Variants in NEDD4L observed in about 807,000 individuals in gnomAD.
NEDD4L encodes E3 ubiquitin-protein ligase NEDD4-like.
In NEDD4L, 54 loss-of-function variants were observed where a neutral mutation model predicts 148.9. The observed-to-expected ratio is 0.36, with a 90% CI of 0.29 to 0.45. NEDD4L has a LOEUF of 0.45. Ranked by LOEUF, NEDD4L falls within the 20% of genes least tolerant of loss-of-function variation. NEDD4L has a pLI of 1.00. For synonymous variants in NEDD4L, 433 were observed against 440.7 expected (o/e 0.98, Z 0.22); for missense variants, 856 against 1,233.8 (o/e 0.69, Z 4.59).
chr18:58,347,628 T>A (rs2043268679), intron 16 of NEDD4L, among the ~76,000 whole-genome samples: 1 of 152,242 alleles, frequency 6.6e-6, no homozygotes, highest in Non-Finnish European at 1.5e-5. Flanking sequence ...TGGATTATTT[T>A]GTGCCTCTGC....
chr18:58,331,629 G>GA (rs1233909045), intron 11 of NEDD4L, among the ~76,000 whole-genome samples: 1 of 152,126 alleles, frequency 6.6e-6, no homozygotes, highest in Non-Finnish European at 1.5e-5. Flanking sequence ...ATAACCCATA[G>GA]AAAATCCCTG....
At chr18:58,359,626 C>T (rs2045211703) in intron 19 of NEDD4L, among the ~76,000 whole-genome samples, 1 of 152,168 alleles carries the variant, frequency 6.6e-6, no homozygotes, top group South Asian at 2.1e-4. Flanking sequence ...ATTGGTTTGC[C>T]CACCATTGGT....
At chr18:58,095,413 T>A (rs531480579) in intron 1 of NEDD4L, among the ~76,000 whole-genome samples, 12 of 151,748 alleles carry the variant, frequency 7.9e-5, no homozygotes, top group Non-Finnish European at 1.3e-4. Flanking sequence ...GCAGAGGGAG[T>A]GGCAAAAGCT....
intron 2 of NEDD4L, among the ~76,000 whole-genome samples, chr18:58,168,586 C>T (rs559854059): frequency 3.3e-5 from 5 of 152,296 alleles, no homozygotes; most frequent in East Asian, 1.9e-4. Flanking sequence ...TGGCAGCCAC[C>T]GTCTCCTTCA....
intron 1 of NEDD4L, among the ~76,000 whole-genome samples, chr18:58,053,223 C>T (rs1224169609): frequency 6.6e-6 from 1 of 152,166 alleles, no homozygotes; most frequent in East Asian, 1.9e-4. Flanking sequence ...AGGCAGAGAC[C>T]GTGTTCCCTG....
intron 5 of NEDD4L, among the ~76,000 whole-genome samples, chr18:58,299,402 G>A (rs1568618787): frequency 6.6e-6 from 1 of 152,190 alleles, no homozygotes; most frequent in Non-Finnish European, 1.5e-5. Context: ...GAATAACATT[G>A]ATATATTTCT....
In NEDD4L at chr18:58,256,374, A is replaced by G; in HGVS notation, c.297+4320A>G. ...TCTGGGAAGCGGTGTTTTGTCTTCCAGTTGCAGCAGCCCCAACAAGGCGCT... is the reference window on the plus strand; with the variant it reads ...TCTGGGAAGCGGTGTTTTGTCTTCCGGTTGCAGCAGCCCCAACAAGGCGCT... On this transcript the variant is annotated intron_variant, in intron 5 of 30. Transcript: ENST00000400345. This position sits in a 1 kb window ranked among gnomAD's most constrained non-coding sequence, Gnocchi z 5.2. The G allele has an allele frequency of 8.1e-7, 1 of 1,232,284 alleles. No individual in the cohort carries two copies. Among genetic ancestry groups the G allele is most frequent in the East Asian group, 3.2e-5 (1 of 31,694 alleles). The allele number at this position is 1,232,284 out of a possible 1,614,324, so 76.3% of individuals were successfully genotyped here.
At chr18:58,111,764 T>G (rs1254736189) in intron 1 of NEDD4L, among the ~76,000 whole-genome samples, 1 of 152,208 alleles carries the variant, frequency 6.6e-6, no homozygotes, top group East Asian at 1.9e-4. Flanking sequence ...TGTTTCTGCT[T>G]TTTGCTTCTA....
At chr18:58,255,907 C>T (rs901278942) in intron 5 of NEDD4L, 140 of 1,231,962 alleles carry the variant, frequency 1.1e-4, no homozygotes, top group Non-Finnish European at 1.4e-4. Flanking sequence ...CGTGCAGCTC[C>T]TCCGTGCAGA....
intron 2 of NEDD4L, among the ~76,000 whole-genome samples, chr18:58,227,679 C>T (rs1349977467): frequency 6.6e-6 from 1 of 152,132 alleles, no homozygotes; most frequent in Non-Finnish European, 1.5e-5. Context: ...GTGTTTTACC[C>T]ACTGTGGGTT....
At chr18:58,084,300 C>T (rs966759581) in intron 1 of NEDD4L, among the ~76,000 whole-genome samples, 2 of 151,924 alleles carry the variant, frequency 1.3e-5, no homozygotes, top group African/African-American at 4.8e-5. Flanking sequence ...ATTTTTTTTC[C>T]TCAAGTGATG....
chr18:58,377,565 A>G (rs2047724243), intron 24 of NEDD4L, among the ~76,000 whole-genome samples: 1 of 152,148 alleles, frequency 6.6e-6, no homozygotes, highest in African/African-American at 2.4e-5. Flanking sequence ...TCCACTGAAG[A>G]AATGTCAGTG....
intron 4 of NEDD4L, among the ~76,000 whole-genome samples, 172 bp from the exon 5 acceptor site, chr18:58,251,829 A>G (rs889055558): frequency 6.6e-6 from 1 of 152,204 alleles, no homozygotes; most frequent in East Asian, 1.9e-4. Context: ...AGAAATCAGT[A>G]ATAGGAAATT....
At chr18:58,344,192 T>A (rs1377541172) in intron 16 of NEDD4L, among the ~76,000 whole-genome samples, 2 of 152,226 alleles carry the variant, frequency 1.3e-5, no homozygotes, top group African/African-American at 4.8e-5. Context: ...ACCAGCAGCC[T>A]TATATTCAAG....
chr18:58,385,965 G>A (rs902415357), intron 26 of NEDD4L, among the ~76,000 whole-genome samples: 2 of 152,060 alleles, frequency 1.3e-5, no homozygotes, highest in East Asian at 3.9e-4. Context: ...CGAGGGCTCA[G>A]AGCTGAATGA....
Position 58,366,323 on chromosome 18 carries a change from T to A in NEDD4L, c.2063+95T>A. 1 of 860,748 alleles carries A rather than the reference T, an allele frequency of 1.2e-6. No homozygotes were observed. Among genetic ancestry groups the A allele is most frequent in the Non-Finnish European group, 1.8e-6 (1 of 569,528 alleles). The allele number at this position is 860,748 out of a possible 1,614,324, so 53.3% of individuals were successfully genotyped here. ...GGATAAGCAGCTCATGAGTTCGAGA[T>A]GCATTAACTCTGCTGAGTTTGTTCT... On this transcript the variant is annotated intron_variant, in intron 21 of 30. Transcript: ENST00000400345. This position sits in a 1 kb window ranked among gnomAD's most constrained non-coding sequence, Gnocchi z 4.2.
chr18:58,226,904 C>A (rs559066798), intron 2 of NEDD4L, among the ~76,000 whole-genome samples: 2 of 151,682 alleles, frequency 1.3e-5, no homozygotes, highest in East Asian at 3.9e-4. Context: ...CCAAGCCATC[C>A]GTTAAAAAAA....
At chr18:58,384,885 G>C in intron 25 of NEDD4L, among the ~76,000 whole-genome samples, 1 of 152,208 alleles carries the variant, frequency 6.6e-6, no homozygotes, top group East Asian at 1.9e-4. Context: ...TTTGCCTTGC[G>C]ATCAGTTTTG....
intron 2 of NEDD4L, chr18:58,195,386 A>C: frequency 2.4e-6 from 3 of 1,235,340 alleles, no homozygotes; most frequent in Non-Finnish European, 3.1e-6. Context: ...GCCTCTGATG[A>C]GGCACTTCCG....
Sources: allele counts gnomAD v4.1 joint callset (sites outside exome capture counted in the v4.1 genomes callset), GRCh38; gene constraint gnomAD v4.1.1; non-coding constraint Gnocchi (gnomAD v3.1); transcripts MANE v1.5; gene names NCBI Gene and HGNC (gene_info 2026-07-23, HGNC 2026-07-21).